Variants in MAD1L1 observed in about 807,000 individuals in gnomAD.
The protein encoded by MAD1L1 is mitotic arrest deficient 1 like 1, also known as mitotic spindle assembly checkpoint protein MAD1.
In MAD1L1, 95 loss-of-function variants were observed where a neutral mutation model predicts 96.9. That is an observed-to-expected ratio of 0.98 (90% CI 0.83 to 1.16). The LOEUF (loss-of-function observed/expected upper bound fraction) is 1.16, where lower values mean the gene tolerates loss of function less well. Ranked by LOEUF, MAD1L1 falls within the 50% of genes most tolerant of loss-of-function variation. MAD1L1 has a pLI of 0.00. For synonymous variants in MAD1L1, 473 were observed against 396.6 expected (o/e 1.19, Z -2.29); for missense variants, 1,007 against 954.4 (o/e 1.06, Z -0.73).
chr7:1,928,104 G>A (rs1344215286), intron 17 of MAD1L1, among the ~76,000 whole-genome samples: 5 of 151,818 alleles, frequency 3.3e-5, no homozygotes, highest in Non-Finnish European at 5.9e-5. Flanking sequence ...CGGAACACCT[G>A]CCACACCTGC....
intron 12 of MAD1L1, among the ~76,000 whole-genome samples, chr7:2,034,956 C>A (rs1335979067): frequency 2.0e-5 from 3 of 152,250 alleles, no homozygotes; most frequent in African/African-American, 7.2e-5. Flanking sequence ...AGCACTCACA[C>A]CCATGTACTC....
intron 18 of MAD1L1, among the ~76,000 whole-genome samples, chr7:1,840,275 G>C: frequency 6.6e-6 from 1 of 152,204 alleles, no homozygotes; most frequent in Non-Finnish European, 1.5e-5. Flanking sequence ...AACCCAGCCA[G>C]ACAAACTCTA....
intron 14 of MAD1L1, among the ~76,000 whole-genome samples, chr7:1,983,367 T>C (rs189756319): frequency 4.3e-4 from 65 of 152,284 alleles, no homozygotes; most frequent in African/African-American, 1.5e-3. Context: ...TCTTTCCTCT[T>C]GTGGTGGGGG....
At chr7:1,865,564 C>T (rs566417356) in intron 18 of MAD1L1, among the ~76,000 whole-genome samples, 7 of 152,342 alleles carry the variant, frequency 4.6e-5, no homozygotes, top group African/African-American at 1.7e-4. Flanking sequence ...AGTCTTTTTA[C>T]GATGCAGGGA....
chr7:1,924,624 A>T (rs910872605), intron 17 of MAD1L1, among the ~76,000 whole-genome samples: 1 of 152,230 alleles, frequency 6.6e-6, no homozygotes, highest in African/African-American at 2.4e-5. Context: ...CCCCGAAGGA[A>T]GTCCTGCCAA....
intron 11 of MAD1L1, among the ~76,000 whole-genome samples, chr7:2,138,566 G>A (rs1364539941): frequency 6.6e-6 from 1 of 152,204 alleles, no homozygotes; most frequent in South Asian, 2.1e-4. Context: ...GGCTTGTTAG[G>A]AGAAGTCAGC....
At chr7:2,109,832 T>C (rs1204811700) in intron 11 of MAD1L1, among the ~76,000 whole-genome samples, 1 of 152,252 alleles carries the variant, frequency 6.6e-6, no homozygotes, top group Non-Finnish European at 1.5e-5. Context: ...GGAATTAAGA[T>C]TCATATCTTA....
chr7:2,165,191 G>A (rs190401148), intron 10 of MAD1L1, among the ~76,000 whole-genome samples: 11 of 150,908 alleles, frequency 7.3e-5, no homozygotes, highest in African/African-American at 2.4e-4. Flanking sequence ...GCGACAAAGT[G>A]AGACTCCATC....
At chr7:2,216,426 TG>T (rs2114995395) in intron 7 of MAD1L1, 139 bp from the exon 8 acceptor site, 1 of 843,418 alleles carries the variant, frequency 1.2e-6, no homozygotes, top group Admixed American at 3.0e-5. Flanking sequence ...CAGGACGTTC[TG>T]GGAAAGGAAG....
At chr7:2,109,417 G>A (rs1338246386) in intron 11 of MAD1L1, 1 of 152,206 alleles carries the variant, frequency 6.6e-6, no homozygotes, top group Non-Finnish European at 1.5e-5. Context: ...GCCAACCCCA[G>A]GAGGACACTC....
At chr7:2,012,788 G>C (rs895732733) in intron 13 of MAD1L1, among the ~76,000 whole-genome samples, 10 of 152,198 alleles carry the variant, frequency 6.6e-5, no homozygotes, top group African/African-American at 2.4e-4. Flanking sequence ...GGGGTAGCGA[G>C]TGCATGTGGG....
At chr7:2,220,367 C>T (rs760593712) in intron 5 of MAD1L1, among the ~76,000 whole-genome samples, 3 of 152,338 alleles carry the variant, frequency 2.0e-5, no homozygotes, top group South Asian at 2.1e-4. Flanking sequence ...TCCCACCAGG[C>T]GACCTTCTGA....
In MAD1L1 at chr7:2,086,959, AG is replaced by A. The variant is rs2128542567; in HGVS notation, c.1074-17622del. 1.3e-5 allele frequency among the ~76,000 whole-genome samples: 2 copies of A among 152,370 alleles called. 1 individual carries two copies. Among genetic ancestry groups the A allele is most frequent in the South Asian group, 4.1e-4 (2 of 4,828 alleles). On this transcript the variant is annotated intron_variant, in intron 11 of 18. Transcript: ENST00000265854. ...ATCCTAAGAGTTACAAGCTGAGTTC[AG>A]GAAAAAGTTTTAAAACAAGAAAAAG...
chr7:2,179,209 C>A (rs1791076618), intron 10 of MAD1L1, among the ~76,000 whole-genome samples: 1 of 152,144 alleles, frequency 6.6e-6, no homozygotes, highest in African/African-American at 2.4e-5. Context: ...TCCCAGCCCC[C>A]ACACCACAAC....
intron 18 of MAD1L1, among the ~76,000 whole-genome samples, chr7:1,827,408 T>C (rs1782454512): frequency 6.6e-6 from 1 of 150,920 alleles, no homozygotes; most frequent in Non-Finnish European, 1.5e-5. Flanking sequence ...CGCCCAGGTG[T>C]GGGGTCCTCC....
intron 10 of MAD1L1, among the ~76,000 whole-genome samples, chr7:2,201,072 C>T (rs997239017): frequency 6.6e-6 from 1 of 152,176 alleles, no homozygotes; most frequent in Non-Finnish European, 1.5e-5. Flanking sequence ...AGGGAGTGAC[C>T]CCAGGTGATC....
intron 12 of MAD1L1, among the ~76,000 whole-genome samples, chr7:2,050,134 C>T (rs1324973920): frequency 7.8e-6 from 1 of 128,372 alleles, no homozygotes; most frequent in African/African-American, 2.9e-5. Context: ...GGGCACCTCA[C>T]CCAGCGTCTG....
intron 17 of MAD1L1, among the ~76,000 whole-genome samples, chr7:1,923,802 G>A (rs1156604895): frequency 6.6e-6 from 1 of 152,240 alleles, no homozygotes; most frequent in African/African-American, 2.4e-5. Context: ...GCTGGGCATG[G>A]GGCTCTGACC....
intron 11 of MAD1L1, among the ~76,000 whole-genome samples, chr7:2,113,906 G>A (rs6461158): frequency 0.33 from 50,006 of 152,150 alleles, 10,052 homozygotes; most frequent in African/African-American, 0.57. Flanking sequence ...GACGACAGGA[G>A]AGACCGAGGA....
Sources: gnomAD v4.1 joint callset for allele counts (sites outside exome capture counted in the v4.1 genomes callset) on GRCh38, gnomAD v4.1.1 for gene constraint, MANE v1.5 for transcripts, NCBI Gene and HGNC (gene_info 2026-07-23, HGNC 2026-07-21) for gene names.